Variants in GRM7 observed in about 807,000 individuals in gnomAD.
GRM7 encodes glutamate metabotropic receptor 7.
Under a neutral mutation model 84.5 loss-of-function variants are expected in GRM7, and 35 were observed. The ratio of observed to expected loss-of-function variants is 0.41; its 90% confidence interval spans 0.32 to 0.55. The LOEUF (loss-of-function observed/expected upper bound fraction) is 0.55, where lower values mean the gene tolerates loss of function less well. Among genes scored for constraint, GRM7 ranks in the 20% least tolerant of loss-of-function variants. The pLI is 0.19. For missense variants in GRM7, 1,003 were observed against 1,194.6 expected, an observed-to-expected ratio of 0.84 and a Z score of 2.36; for synonymous variants, 487 against 455.1, an observed-to-expected ratio of 1.07 and a Z score of -0.89.
At chr3:7,147,429 A>C (rs938962968) in intron 2 of GRM7, among the ~76,000 whole-genome samples, 10 of 151,780 alleles carry the variant, frequency 6.6e-5, no homozygotes, top group African/African-American at 2.4e-4. Flanking sequence ...ATATTCCCAC[A>C]CTCTTCTTAT....
intron 8 of GRM7, among the ~76,000 whole-genome samples, chr3:7,615,519 T>A (rs1017132894): frequency 6.6e-6 from 1 of 152,092 alleles, no homozygotes; most frequent in East Asian, 1.9e-4. Context: ...ATAGGTTATA[T>A]GGATAATTTG....
intron 4 of GRM7, among the ~76,000 whole-genome samples, chr3:7,368,581 A>T (rs544145098): frequency 6.6e-6 from 1 of 152,196 alleles, no homozygotes; most frequent in East Asian, 1.9e-4. Context: ...TATTTGTTTT[A>T]TGGTATTCCT....
chr3:7,466,959 C>T (rs957902773), intron 7 of GRM7, among the ~76,000 whole-genome samples: 10 of 152,192 alleles, frequency 6.6e-5, no homozygotes, highest in African/African-American at 2.4e-4. Flanking sequence ...GGGTACCTAG[C>T]ACACAGCAGG....
chr3:7,046,192 G>T (rs1370504474), intron 1 of GRM7, among the ~76,000 whole-genome samples: 1 of 152,084 alleles, frequency 6.6e-6, no homozygotes, highest in Non-Finnish European at 1.5e-5. Flanking sequence ...TTCAGGTTCT[G>T]TGTCTATTCA....
intron 2 of GRM7, among the ~76,000 whole-genome samples, chr3:7,222,433 A>G (rs1696840236): frequency 6.6e-6 from 1 of 152,124 alleles, no homozygotes; most frequent in Non-Finnish European, 1.5e-5. Flanking sequence ...TCCAGAGGTT[A>G]AGGATATCCC....
intron 7 of GRM7, among the ~76,000 whole-genome samples, chr3:7,471,685 C>T (rs1445030977): frequency 6.6e-6 from 1 of 152,054 alleles, no homozygotes; most frequent in Non-Finnish European, 1.5e-5. Context: ...GGTAGGTAAC[C>T]GTATTCCAAC....
At chr3:7,562,747 A>G (rs1694083767) in intron 7 of GRM7, among the ~76,000 whole-genome samples, 1 of 152,172 alleles carries the variant, frequency 6.6e-6, no homozygotes, top group South Asian at 2.1e-4. Flanking sequence ...AGAAAGCACT[A>G]GATTAAATCA....
intron 9 of GRM7, among the ~76,000 whole-genome samples, chr3:7,701,899 T>C (rs1033168846): frequency 1.3e-5 from 2 of 152,324 alleles, no homozygotes; most frequent in Admixed American, 1.3e-4. Context: ...CCATTGCATC[T>C]TCGTCACCAA....
intron 3 of GRM7, among the ~76,000 whole-genome samples, chr3:7,301,176 G>A (rs920331419): frequency 2.0e-5 from 3 of 151,380 alleles, no homozygotes; most frequent in Non-Finnish European, 2.9e-5. Flanking sequence ...TTTTTCTCTC[G>A]TTATCTATCT....
At chr3:7,544,367 T>C (rs866827279) in intron 7 of GRM7, among the ~76,000 whole-genome samples, 2 of 152,120 alleles carry the variant, frequency 1.3e-5, no homozygotes, top group Middle Eastern at 3.2e-3. Flanking sequence ...TGCTATGTTA[T>C]CTAGTCTCAA....
chr3:7,734,278 A>G, intron 9 of GRM7, among the ~76,000 whole-genome samples: 1 of 150,758 alleles, frequency 6.6e-6, no homozygotes. Context: ...ATGTGAGTTT[A>G]GTTTATAAAT....
chr3:7,286,199 A>G (rs1699425434), intron 2 of GRM7, among the ~76,000 whole-genome samples: 1 of 152,174 alleles, frequency 6.6e-6, no homozygotes, highest in Non-Finnish European at 1.5e-5. Context: ...ATTAAAACCC[A>G]TATTCATTGT....
intron 1 of GRM7, among the ~76,000 whole-genome samples, chr3:6,912,986 G>A (rs1468454334): frequency 3.3e-5 from 5 of 152,032 alleles, no homozygotes; most frequent in Non-Finnish European, 7.4e-5. Flanking sequence ...TTGGATTATA[G>A]CATTATTCCC....
intron 1 of GRM7, among the ~76,000 whole-genome samples, chr3:6,865,489 G>C (rs1366509952): frequency 4.6e-5 from 7 of 151,502 alleles, no homozygotes; most frequent in Admixed American, 4.6e-4. Context: ...AATATTTCCT[G>C]TGTAGTGACA....
chr3:7,328,379 T>C (rs1438251796), intron 4 of GRM7, among the ~76,000 whole-genome samples: 1 of 152,158 alleles, frequency 6.6e-6, no homozygotes, highest in Non-Finnish European at 1.5e-5. Flanking sequence ...TCCAACCGAT[T>C]CTTCACTGCT....
intron 5 of GRM7, among the ~76,000 whole-genome samples, chr3:7,448,163 G>C (rs555151414): frequency 1.3e-5 from 2 of 151,582 alleles, no homozygotes; most frequent in South Asian, 4.2e-4. Context: ...TGGACACTTG[G>C]GTTGGTTCCA....
At chr3:7,110,462 G>A (rs1692805967) in intron 1 of GRM7, among the ~76,000 whole-genome samples, 2 of 151,924 alleles carry the variant, frequency 1.3e-5, no homozygotes, top group Non-Finnish European at 2.9e-5. Flanking sequence ...CTAGCTAGGT[G>A]TGATGGCTAG....
intron 2 of GRM7, among the ~76,000 whole-genome samples, chr3:7,291,591 A>G (rs916739135): frequency 4.7e-5 from 7 of 149,018 alleles, no homozygotes; most frequent in African/African-American, 1.7e-4. Context: ...AAGGGAGTAA[A>G]ACTTTTCCCA....
intron 1 of GRM7, among the ~76,000 whole-genome samples, chr3:7,130,686 C>T (rs537720353): frequency 6.6e-6 from 1 of 152,166 alleles, no homozygotes; most frequent in African/African-American, 2.4e-5. Flanking sequence ...CTCTCTCCCT[C>T]AATCTCCCCA....
Sources: allele counts gnomAD v4.1 joint callset (sites outside exome capture counted in the v4.1 genomes callset), GRCh38; gene constraint gnomAD v4.1.1; transcripts MANE v1.5; gene names NCBI Gene and HGNC (gene_info 2026-07-23, HGNC 2026-07-21).